The following TRIO variants were observed in gnomAD, a reference collection of about 807,000 sequenced individuals.
TRIO encodes the protein triple functional domain protein.
Under a neutral mutation model 351.9 loss-of-function variants are expected in TRIO, and 58 were observed. That is an observed-to-expected ratio of 0.16 (90% CI 0.13 to 0.21). The LOEUF is 0.21. TRIO is among the 10% of genes least tolerant of loss of function. The pLI, the probability that TRIO is intolerant of heterozygous loss-of-function variation, is 1.00. For missense variants in TRIO, 3,201 were observed against 4,027.8 expected (o/e 0.79, Z 5.56); for synonymous variants, 1,758 against 1,595.7 (o/e 1.10, Z -2.42).
At chr5:14,402,740 T>C (rs1748189785) in intron 31 of TRIO, among the ~76,000 whole-genome samples, 1 of 151,412 alleles carries the variant, frequency 6.6e-6, no homozygotes, top group African/African-American at 2.4e-5. Flanking sequence ...ATGGTGGTGA[T>C]GAGGGTATAG....
chr5:14,504,004 G>A (rs1210574204), intron 54 of TRIO, among the ~76,000 whole-genome samples: 1 of 152,236 alleles, frequency 6.6e-6, no homozygotes, highest in Admixed American at 6.5e-5. Flanking sequence ...CCTTTCAAAC[G>A]TGCAGGGAAA....
chr5:14,494,377 A>G (rs1756721597), intron 49 of TRIO, among the ~76,000 whole-genome samples: 1 of 152,204 alleles, frequency 6.6e-6, no homozygotes, highest in African/African-American at 2.4e-5. Flanking sequence ...TACACCATGT[A>G]TTTACAACAC....
At chr5:14,305,992 A>G (rs1243257207) in intron 8 of TRIO, among the ~76,000 whole-genome samples, 1 of 152,232 alleles carries the variant, frequency 6.6e-6, no homozygotes, top group Non-Finnish European at 1.5e-5. Flanking sequence ...TGCTCCCTAT[A>G]GCCTAGGTGT....
At chr5:14,481,491 T>G in intron 44 of TRIO, 50 bp from the exon 45 acceptor site, 7 of 1,605,202 alleles carry the variant, frequency 4.4e-6, no homozygotes, top group South Asian at 1.1e-5. Context: ...GCACGTCAGA[T>G]TTTCCCTAGA....
intron 1 of TRIO, among the ~76,000 whole-genome samples, chr5:14,229,199 G>A (rs1045942842): frequency 1.3e-5 from 2 of 151,780 alleles, no homozygotes; most frequent in African/African-American, 4.9e-5. Flanking sequence ...TCTAGAACAG[G>A]GTATGTCTGA....
At position 14,479,269 on chromosome 5, in the gene TRIO, G is replaced by A. The variant is rs1473531448; in HGVS notation, c.6162G>A (p.Arg2054=). Reference sequence around the variant, plus strand: ...GCCTTTTTTATTCCTAGGAGAGAAGGTTGCACATGTACATAGCTTATTGTC... The same window carrying A: ...GCCTTTTTTATTCCTAGGAGAGAAGATTGCACATGTACATAGCTTATTGTC... ...LGSLFVKHER[R]LHMYIAYCQN... Residue 2054 remains arginine (R), a synonymous_variant, in exon 42 of 57, where the codon AGG becomes AGA. Coordinates refer to ENST00000344204, the MANE Select transcript of TRIO (RefSeq NM_007118.4). 6.2e-7 allele frequency: 1 copy of A among 1,613,544 alleles called. No individual in the cohort carries two copies. The highest frequency in any genetic ancestry group is 1.3e-5 in the African/African-American group (1 of 74,886).
At chr5:14,207,389 TACAC>T (rs70964544) in intron 1 of TRIO, among the ~76,000 whole-genome samples, 2,193 of 11,280 alleles carry the variant, frequency 0.19, 333 homozygotes, top group Admixed American at 0.32. Flanking sequence ...CAAGACTGTC[TACAC>T]ACACACACAC....
intron 34 of TRIO, chr5:14,420,529 A>AT (rs146991451): frequency 0.02 from 3,072 of 153,452 alleles, 36 homozygotes; most frequent in Non-Finnish European, 0.03. Flanking sequence ...AACAGGAAGA[A>AT]TTAGGCTGTT....
At chr5:14,250,310 T>C (rs1794665519) in intron 1 of TRIO, among the ~76,000 whole-genome samples, 1 of 152,220 alleles carries the variant, frequency 6.6e-6, no homozygotes, top group African/African-American at 2.4e-5. Flanking sequence ...TCAGAGCGAC[T>C]GTGCGTTTGT....
rs761546634 is a variant in TRIO, at chr5:14,508,345, C to T, written c.9217C>T (p.Arg3073Cys). 1.9e-6 allele frequency: 3 copies of T among 1,614,010 alleles called. No individual in the cohort carries two copies. Among genetic ancestry groups the T allele is most frequent in the South Asian group, 1.1e-5 (1 of 91,092 alleles). ...CAGACTGACTTCCTTCATTGAGCGG[C>T]GCAAACACCAGAATGATGTTCGACC... ...TSRLTSFIER[R>C]KHQNDVRPIR... The change falls in exon 57 of 57, where the codon CGC (arginine) becomes TGC (cysteine). Residue 3073 changes from arginine (R) to cysteine (C), a missense_variant. By Grantham distance (180) the Arg-to-Cys change is radical (BLOSUM62 -3). Transcript: ENST00000344204.
At chr5:14,272,317 C>T (rs1443744480) in intron 2 of TRIO, among the ~76,000 whole-genome samples, 1 of 152,210 alleles carries the variant, frequency 6.6e-6, no homozygotes, top group Non-Finnish European at 1.5e-5. Flanking sequence ...GCTCCCCCAA[C>T]CCCTCTTGTG....
At chr5:14,170,830 GATA>G (rs1213865949) in intron 1 of TRIO, among the ~76,000 whole-genome samples, 1 of 152,094 alleles carries the variant, frequency 6.6e-6, no homozygotes, top group African/African-American at 2.4e-5. Context: ...TCTCTTGAAA[GATA>G]ATATTACATC....
At chr5:14,339,500 T>C (rs550684554) in intron 11 of TRIO, among the ~76,000 whole-genome samples, 1 of 152,366 alleles carries the variant, frequency 6.6e-6, no homozygotes, top group African/African-American at 2.4e-5. Context: ...GGTTCACTTT[T>C]ATGACTGCAG....
chr5:14,490,674 G>A, intron 48 of TRIO: 1 of 396,278 alleles, frequency 2.5e-6, no homozygotes, highest in Non-Finnish European at 5.1e-6. Context: ...CTGGTGGGTT[G>A]GTGGTGAGAA....
intron 34 of TRIO, among the ~76,000 whole-genome samples, chr5:14,422,084 T>C (rs1439289483): frequency 6.6e-6 from 1 of 152,222 alleles, no homozygotes; most frequent in Non-Finnish European, 1.5e-5. Flanking sequence ...TTGAGCCTCT[T>C]TTCAGTATAA....
chr5:14,502,111 C>T (rs991749211), intron 53 of TRIO, among the ~76,000 whole-genome samples: 2 of 152,138 alleles, frequency 1.3e-5, no homozygotes, highest in Non-Finnish European at 2.9e-5. Flanking sequence ...GACTCTTGAT[C>T]TCTCACGGCT....
rs1579665958 is a variant in TRIO, at chr5:14,442,173, C to T, written c.5204-18846C>T. Among the ~76,000 whole-genome samples the T allele has an allele frequency of 2.6e-5, 4 of 152,346 alleles. 1 individual carries two copies. Among genetic ancestry groups the T allele is most frequent in the Admixed American group, 2.6e-4 (4 of 15,300 alleles). On this transcript the variant is annotated intron_variant, in intron 34 of 56. Transcript: ENST00000344204. ...TGCCACCTGCATGCCAGCAGGAATG[C>T]TCTCTACCAGAATTTGGGTCTTGGC...
At chr5:14,382,479 C>T (rs1746191020) in intron 21 of TRIO, among the ~76,000 whole-genome samples, 1 of 152,120 alleles carries the variant, frequency 6.6e-6, no homozygotes, top group Non-Finnish European at 1.5e-5. Context: ...TGCAGAGAGA[C>T]CAGGCATGGG....
intron 21 of TRIO, 89 bp downstream of exon 21, chr5:14,381,341 G>A: frequency 2.7e-6 from 4 of 1,462,596 alleles, no homozygotes; most frequent in Non-Finnish European, 3.6e-6. Context: ...TGAGATTGGA[G>A]AAAAGGATGA....
Sources: allele counts gnomAD v4.1 joint callset (sites outside exome capture counted in the v4.1 genomes callset), GRCh38; gene constraint gnomAD v4.1.1; transcripts MANE v1.5; gene names NCBI Gene and HGNC (gene_info 2026-07-23, HGNC 2026-07-21).